SKIL: variants seen among roughly 807,000 people sequenced by gnomAD.
SKIL encodes ski-like protein.
SKIL carries 20 observed loss-of-function variants against 69.6 expected under a neutral mutation model. That is an observed-to-expected ratio of 0.29 (90% CI 0.20 to 0.42). SKIL has a LOEUF of 0.42. SKIL is among the 10% of genes least tolerant of loss of function. The pLI, the probability that SKIL is intolerant of heterozygous loss-of-function variation, is 1.00. For synonymous variants in SKIL, 310 were observed against 279.9 expected (o/e 1.11, Z -1.08); for missense variants, 745 against 783.1 (o/e 0.95, Z 0.58).
In SKIL at chr3:170,365,752, C is replaced by CTTTTTTTTTTTTTTTTTTTTTT. The variant is rs59222162; in HGVS notation, c.1098+4344_1098+4345insTTTTTTTTTTTTTTTTTTTTTT. ...GCTCATTTTAAAAAGTCAAACTAGG[C>CTTTTTTTTTTTTTTTTTTTTTT]TTTTTTTTTTTTTTTTTTTTTGAGA... is the stretch of plus-strand genomic sequence containing the variant. On this transcript the variant is annotated intron_variant, in intron 2 of 6. Coordinates refer to ENST00000259119, the MANE Select transcript of SKIL (RefSeq NM_005414.5). Among the ~76,000 whole-genome samples the CTTTTTTTTTTTTTTTTTTTTTT allele has an allele frequency of 3.1e-4, 33 of 106,446 alleles. 1 individual carries two copies. The highest frequency in any genetic ancestry group is 1.1e-3 in the East Asian group (4 of 3,628). The allele number at this position is 106,446 out of a possible 152,430, so 69.8% of individuals were successfully genotyped here.
Position 170,392,408 on chromosome 3 carries a change from T to G in SKIL, c.2046T>G (p.Ala682=). 1 of 1,607,310 alleles carries G rather than the reference T, an allele frequency of 6.2e-7. No homozygotes were observed. The highest frequency in any genetic ancestry group is 8.5e-7 in the Non-Finnish European group (1 of 1,175,848). Residue 682 remains alanine, a synonymous_variant, in exon 7 of 7, where the codon GCT becomes GCG. Coordinates refer to ENST00000259119, the MANE Select transcript of SKIL (RefSeq NM_005414.5). The stretch of plus-strand genomic sequence containing the variant: ...AAATTCTGAAATCATCAAAGACTGC[T>G]AAAGAATAGAAACTGTTAAAGAGAT... ...KLQILKSSKT[A]KE
rs1203478673 is a variant in SKIL at position 170,360,395 on chromosome 3, G to A, written c.64G>A (p.Gly22Arg). Residue 22 changes from glycine (G) to arginine (R), a missense_variant, in exon 2 of 7, where the codon GGA becomes AGA. Gly to Arg is a moderately radical substitution (Grantham distance 125, BLOSUM62 -2). Coordinates refer to ENST00000259119, the MANE Select transcript of SKIL (RefSeq NM_005414.5). The stretch of plus-strand genomic sequence containing the variant: ...CTCAACTAAAAAACTGAATGGGATG[G>A]GAGATGATGGCAGCCCCCCAGCGAA... ...QGSTKKLNGMGDDGSPPAKKM... is the reference protein window; with the variant it reads ...QGSTKKLNGMRDDGSPPAKKM... The A allele has an allele frequency of 6.2e-7, 1 of 1,609,114 alleles. No homozygotes were observed. The highest frequency in any genetic ancestry group is 1.3e-5 in the African/African-American group (1 of 74,808).
At chr3:170,358,953 A>G (rs1011555743) in intron 1 of SKIL, among the ~76,000 whole-genome samples, 1 of 152,198 alleles carries the variant, frequency 6.6e-6, no homozygotes, top group Non-Finnish European at 1.5e-5. Flanking sequence ...AGCTGAATTA[A>G]TCCACTTAAA....
chr3:170,379,825 A>G (rs984546500), intron 2 of SKIL, among the ~76,000 whole-genome samples: 7 of 151,918 alleles, frequency 4.6e-5, no homozygotes, highest in Admixed American at 4.6e-4. Flanking sequence ...TGCGTTTTTA[A>G]TAGAGATGGG....
At position 170,360,526 on chromosome 3, in the gene SKIL, T is replaced by C; in HGVS notation, c.195T>C (p.Asp65=). 6.2e-7 allele frequency: 1 copy of C among 1,614,198 alleles called. No homozygotes were observed. The highest frequency in any genetic ancestry group is 8.5e-7 in the Non-Finnish European group (1 of 1,180,034). Residue 65 remains aspartate, a synonymous_variant, in exon 2 of 7, where the codon GAT becomes GAC. Coordinates refer to ENST00000259119, the MANE Select transcript of SKIL (RefSeq NM_005414.5). ...DDYGEAPVET[D]GEHVKRTCTS... is the part of the protein sequence containing the mutation. The stretch of plus-strand genomic sequence containing the variant: ...ATGGAGAAGCACCAGTGGAAACTGA[T>C]GGAGAGCATGTTAAGCGAACCTGTA...
At chr3:170,390,070 C>G (rs1737834825) in intron 4 of SKIL, among the ~76,000 whole-genome samples, 153 bp from the exon 5 acceptor site, 1 of 152,080 alleles carries the variant, frequency 6.6e-6, no homozygotes, top group Non-Finnish European at 1.5e-5. Context: ...TTTCATTGTA[C>G]TTGCACTGCT....
intron 2 of SKIL, among the ~76,000 whole-genome samples, chr3:170,368,916 G>A (rs1443809026): frequency 2.0e-5 from 3 of 152,154 alleles, no homozygotes; most frequent in African/African-American, 4.8e-5. Context: ...CCACATTGGG[G>A]TTTTGAATGA....
At chr3:170,381,518 C>T (rs372698589) in intron 3 of SKIL, among the ~76,000 whole-genome samples, 177 bp downstream of exon 3, 5 of 151,970 alleles carry the variant, frequency 3.3e-5, no homozygotes, top group South Asian at 2.1e-4. Context: ...TTGCAACCTC[C>T]GCCTCACGGG....
intron 2 of SKIL, among the ~76,000 whole-genome samples, chr3:170,377,651 C>T (rs958505458): frequency 2.7e-5 from 4 of 146,216 alleles, no homozygotes; most frequent in Admixed American, 7.0e-5. Flanking sequence ...TGAGTTCAAG[C>T]GATTCTCCTG....
chr3:170,364,440 C>G (rs891884974), intron 2 of SKIL, among the ~76,000 whole-genome samples: 1 of 151,174 alleles, frequency 6.6e-6, no homozygotes, highest in African/African-American at 2.4e-5. Context: ...TCTCCTGTCT[C>G]AGCCTCCCAA....
chr3:170,359,323 C>T (rs1360499946), intron 1 of SKIL, among the ~76,000 whole-genome samples: 5 of 152,178 alleles, frequency 3.3e-5, no homozygotes, highest in Non-Finnish European at 7.3e-5. Flanking sequence ...CGGCCGGGTG[C>T]GGTGGCTCAC....
chr3:170,378,622 G>T (rs1223352206), intron 2 of SKIL, among the ~76,000 whole-genome samples: 1 of 147,606 alleles, frequency 6.8e-6, no homozygotes, highest in East Asian at 2.0e-4. Context: ...CGCGAACTCA[G>T]CTCACTGCAA....
rs758085592 is a variant in SKIL, at chr3:170,361,303, A to G, written c.972A>G (p.Lys324=). The change falls in exon 2 of 7, where the codon AAA becomes AAG. Residue 324 remains lysine (K), a synonymous_variant. Transcript: ENST00000259119. The part of the protein sequence containing the change: ...RTCHWGFESA[K]WHCYLHVNQK... Reference sequence around the variant, plus strand: ...GCCACTGGGGCTTTGAATCAGCTAAATGGCATTGCTATCTTCATGTGAACC... The same window carrying G: ...GCCACTGGGGCTTTGAATCAGCTAAGTGGCATTGCTATCTTCATGTGAACC... The G allele has an allele frequency of 4.3e-6, 7 of 1,614,084 alleles. No individual in the cohort carries two copies. The South Asian group carries it at 4.4e-5, about 10-fold the overall frequency.
chr3:170,391,468 C>T (rs933777550), intron 6 of SKIL, among the ~76,000 whole-genome samples: 2 of 151,816 alleles, frequency 1.3e-5, no homozygotes, highest in African/African-American at 4.8e-5. Context: ...TACAGGCGTG[C>T]GACACTATGC....
chr3:170,362,589 C>T (rs1388720022), intron 2 of SKIL, among the ~76,000 whole-genome samples: 1 of 147,680 alleles, frequency 6.8e-6, no homozygotes, highest in African/African-American at 2.5e-5. Flanking sequence ...CCCAGGTGGG[C>T]AGATCACTTC....
chr3:170,359,856 T>C lies in SKIL; in HGVS notation c.-476T>C, dbSNP rs942234687. The C allele has an allele frequency of 1.3e-5, 2 of 153,710 alleles. No homozygotes were observed. Among genetic ancestry groups the C allele is most frequent in the African/African-American group, 4.8e-5 (2 of 41,454 alleles). 9.5% of individuals were successfully genotyped at this position (153,710 alleles called of 1,614,324 possible). On this transcript the variant is annotated 5_prime_UTR_variant, in exon 2 of 7. Transcript: ENST00000259119. ...TTTAGAGGAAATACTCCCTCTGCCC[T>C]CCTTTTTGGTTTCCTTGGTGGTAAA...
At chr3:170,365,557 G>A (rs1460439414) in intron 2 of SKIL, among the ~76,000 whole-genome samples, 1 of 152,002 alleles carries the variant, frequency 6.6e-6, no homozygotes, top group Non-Finnish European at 1.5e-5. Flanking sequence ...TTCTGATAAG[G>A]GATATTCAGC....
intron 2 of SKIL, among the ~76,000 whole-genome samples, chr3:170,380,065 A>G (rs1036436390): frequency 1.3e-5 from 2 of 152,206 alleles, no homozygotes; most frequent in African/African-American, 4.8e-5. Context: ...GTAGATGTTC[A>G]TTAAGTTACC....
chr3:170,358,236 G>A (rs1318007003), intron 1 of SKIL, among the ~76,000 whole-genome samples: 1 of 152,132 alleles, frequency 6.6e-6, no homozygotes, highest in African/African-American at 2.4e-5. Context: ...TGCAGCATTA[G>A]GGGCGCTGAG....
Sources: gnomAD v4.1 joint callset for allele counts (sites outside exome capture counted in the v4.1 genomes callset) on GRCh38, gnomAD v4.1.1 for gene constraint, MANE v1.5 for transcripts, NCBI Gene and HGNC (gene_info 2026-07-23, HGNC 2026-07-21) for gene names.